Variants in PTPRK observed in about 807,000 individuals in gnomAD.
The protein encoded by PTPRK is protein tyrosine phosphatase receptor type K.
In PTPRK, 75 loss-of-function variants were observed where a neutral mutation model predicts 178.0. The observed-to-expected ratio is 0.42, with a 90% confidence interval of 0.35 to 0.51. PTPRK has a LOEUF of 0.51. Among genes scored for constraint, PTPRK ranks in the 20% least tolerant of loss-of-function variants. PTPRK has a pLI of 0.02. For missense variants in PTPRK, 1,441 were observed against 1,797.8 expected, an observed-to-expected ratio of 0.80 and a Z score of 3.59; for synonymous variants, 637 against 620.6, an observed-to-expected ratio of 1.03 and a Z score of -0.39.
intron 13 of PTPRK, among the ~76,000 whole-genome samples, chr6:128,053,013 G>A (rs1779287427): frequency 6.6e-6 from 1 of 151,942 alleles, no homozygotes; most frequent in South Asian, 2.1e-4. Flanking sequence ...TCCAGCCCTG[G>A]AATGAGCCAT....
intron 1 of PTPRK, among the ~76,000 whole-genome samples, chr6:128,463,981 C>T (rs1252315654): frequency 6.6e-6 from 1 of 151,680 alleles, no homozygotes; most frequent in Non-Finnish European, 1.5e-5. Context: ...TCTCGAACTC[C>T]CGACCTCAGG....
intron 2 of PTPRK, among the ~76,000 whole-genome samples, chr6:128,335,446 A>C (rs1478914521): frequency 6.6e-6 from 1 of 151,354 alleles, no homozygotes; most frequent in South Asian, 2.1e-4. Flanking sequence ...GATAACAAAA[A>C]AAAAAAAAAA....
chr6:128,043,180 C>T (rs77142107), intron 13 of PTPRK, among the ~76,000 whole-genome samples: 34 of 152,024 alleles, frequency 2.2e-4, no homozygotes, highest in East Asian at 7.7e-4. Context: ...GAAATTATTA[C>T]GATAGACCTC....
Position 127,991,392 on chromosome 6 carries a change from C to A in PTPRK, c.2882-1G>T. On this transcript the variant is annotated splice_acceptor_variant, in intron 19 of 29. Transcript: ENST00000368226. LOFTEE classifies it high-confidence loss of function. ...TCATACACTGTTTCATGAACGGGAC[C>A]TACAAAGAAATTAATTTGAATATTA... 6.4e-7 allele frequency: 1 copy of A among 1,557,330 alleles called. No individual in the cohort carries two copies. Among genetic ancestry groups the A allele is most frequent in the Non-Finnish European group, 8.7e-7 (1 of 1,153,224 alleles).
At position 127,973,671 on chromosome 6, in the gene PTPRK, G is replaced by A; in HGVS notation, c.4126C>T (p.His1376Tyr). 6.2e-7 allele frequency: 1 copy of A among 1,613,524 alleles called. No individual in the cohort carries two copies. Among genetic ancestry groups the A allele is most frequent in the East Asian group, 2.2e-5 (1 of 44,870 alleles). ...CTGAGCTGCCCTACTCACAGGCAGTGGATAATCGTCCGGCCTTCCCCTTCC... is the reference window on the plus strand; with the variant it reads ...CTGAGCTGCCCTACTCACAGGCAGTAGATAATCGTCCGGCCTTCCCCTTCC... Reference protein sequence around the residue: ...CEEGEGRTIIHCLNGGGRSGM... With the variant: ...CEEGEGRTIIYCLNGGGRSGM... The change falls in exon 28 of 30, where the codon CAC becomes TAC. Residue 1376 changes from histidine to tyrosine, a missense_variant. His to Tyr is a moderately conservative substitution (Grantham distance 83, BLOSUM62 2). Coordinates refer to ENST00000368226, the MANE Select transcript of PTPRK (RefSeq NM_002844.4).
Position 128,337,479 on chromosome 6 carries a change from G to C in PTPRK, c.224-15169C>G, listed in dbSNP as rs1831095277. ...GGAGAAGGGTTAAGTAACCTGCTCA[G>C]ATCTCAGTTTGAACCTAACAATAAA... On this transcript the variant is annotated intron_variant, in intron 2 of 29. Transcript: ENST00000368226. Among the ~76,000 whole-genome samples, 6 of 152,294 alleles carry C rather than the reference G, an allele frequency of 3.9e-5. No individual in the cohort carries two copies. In the South Asian group the frequency reaches 1.2e-3, roughly 32 times the overall value.
chr6:128,076,339 G>A (rs1783808215), intron 11 of PTPRK, among the ~76,000 whole-genome samples: 1 of 151,986 alleles, frequency 6.6e-6, no homozygotes, highest in Admixed American at 6.6e-5. Flanking sequence ...AAGAAAGACA[G>A]CACAAAGGAT....
At chr6:128,257,974 A>G (rs946247757) in intron 3 of PTPRK, among the ~76,000 whole-genome samples, 2 of 152,130 alleles carry the variant, frequency 1.3e-5, no homozygotes, top group Non-Finnish European at 2.9e-5. Flanking sequence ...ATAGACCTAA[A>G]CTTTATTGTC....
At chr6:128,222,454 C>T (rs1212471071) in intron 5 of PTPRK, among the ~76,000 whole-genome samples, 2 of 152,176 alleles carry the variant, frequency 1.3e-5, no homozygotes, top group Non-Finnish European at 2.9e-5. Context: ...GGAATATTCA[C>T]AGACCAAATT....
At chr6:127,995,174 G>A (rs1777003830) in intron 18 of PTPRK, 1 of 1,365,642 alleles carries the variant, frequency 7.3e-7, no homozygotes, top group African/African-American at 1.4e-5. Flanking sequence ...TAGTAACAGA[G>A]CGTTAGTAAT....
At chr6:127,988,673 T>C (rs1776250126) in intron 21 of PTPRK, among the ~76,000 whole-genome samples, 1 of 152,102 alleles carries the variant, frequency 6.6e-6, no homozygotes, top group South Asian at 2.1e-4. Context: ...CCATAGCTTT[T>C]CTAATAGCAA....
At chr6:128,051,920 C>T (rs73582688) in intron 13 of PTPRK, among the ~76,000 whole-genome samples, 5,570 of 152,010 alleles carry the variant, frequency 0.037, 349 homozygotes, top group African/African-American at 0.13. Flanking sequence ...GTCTCTGTGA[C>T]TGACATCACA....
At chr6:128,268,151 G>A (rs1332723473) in intron 3 of PTPRK, among the ~76,000 whole-genome samples, 2 of 151,976 alleles carry the variant, frequency 1.3e-5, no homozygotes, top group Non-Finnish European at 2.9e-5. Context: ...TAATCATTAT[G>A]TCAAATGAAT....
chr6:128,259,942 C>T (rs1423630956), intron 3 of PTPRK, among the ~76,000 whole-genome samples: 1 of 152,032 alleles, frequency 6.6e-6, no homozygotes. Flanking sequence ...ACAACATGGA[C>T]GTAATTTCAT....
At chr6:128,111,948 G>A (rs1459131687) in intron 7 of PTPRK, among the ~76,000 whole-genome samples, 4 of 152,012 alleles carry the variant, frequency 2.6e-5, no homozygotes, top group African/African-American at 9.7e-5. Context: ...AATGACTTAT[G>A]ATTGAATGAA....
intron 13 of PTPRK, among the ~76,000 whole-genome samples, chr6:128,060,501 T>C (rs1275811908): frequency 1.3e-5 from 2 of 152,284 alleles, no homozygotes; most frequent in East Asian, 1.9e-4. Context: ...TGCTCTAATA[T>C]ATCAACTCAT....
chr6:128,484,103 G>A (rs1019484384), intron 1 of PTPRK, among the ~76,000 whole-genome samples: 3 of 151,958 alleles, frequency 2.0e-5, no homozygotes, highest in Non-Finnish European at 4.4e-5. Context: ...GTAAATCCTA[G>A]ATAGACACCT....
Position 128,139,233 on chromosome 6 carries a change from C to G in PTPRK, c.1162+45199G>C, listed in dbSNP as rs554891619. ...ACATTGGATGAAGAATTTGAACTTC[C>G]TGCAAGCAGTGGTAAACCTCTGCAG... On this transcript the variant is annotated intron_variant, in intron 7 of 29. Transcript: ENST00000368226. Among the ~76,000 whole-genome samples, 42 of 152,104 alleles carry G rather than the reference C, an allele frequency of 2.8e-4. No homozygotes were observed. In the South Asian group the frequency reaches 8.1e-3, roughly 29 times the overall value.
At chr6:128,055,627 T>A (rs1779759582) in intron 13 of PTPRK, among the ~76,000 whole-genome samples, 1 of 152,138 alleles carries the variant, frequency 6.6e-6, no homozygotes, top group Non-Finnish European at 1.5e-5. Flanking sequence ...ACAGACAGGG[T>A]CTTGCTCTGT....
Sources: allele counts gnomAD v4.1 joint callset (sites outside exome capture counted in the v4.1 genomes callset), GRCh38; gene constraint gnomAD v4.1.1; transcripts MANE v1.5; gene names NCBI Gene and HGNC (gene_info 2026-07-23, HGNC 2026-07-21).